ZNF541: variants seen among roughly 807,000 people sequenced by gnomAD.
ZNF541 encodes zinc finger protein 541.
In ZNF541, 23 loss-of-function variants were observed where a neutral mutation model predicts 123.5. The ratio of observed to expected loss-of-function variants is 0.19; its 90% CI spans 0.13 to 0.26. The LOEUF is 0.26. ZNF541 is among the 10% of genes least tolerant of loss of function. ZNF541 has a pLI of 1.00. For missense variants in ZNF541, 1,612 were observed against 1,789.9 expected, an observed-to-expected ratio of 0.90 and a Z score of 1.79; for synonymous variants, 751 against 754.5, an observed-to-expected ratio of 1.00 and a Z score of 0.08.
chr19:47,540,400 G>GT, intron 6 of ZNF541, 65 bp from the exon 7 acceptor site: 1 of 1,397,580 alleles, frequency 7.2e-7, no homozygotes. Flanking sequence ...CTGATTTTTT[G>GT]TTGTTTTTTT....
intron 2 of ZNF541, among the ~76,000 whole-genome samples, chr19:47,561,137 G>A (rs1034765932): frequency 4.6e-5 from 7 of 152,142 alleles, no homozygotes; most frequent in African/African-American, 1.7e-4. Flanking sequence ...CTGCATACCT[G>A]ACATTATACC....
intron 12 of ZNF541, among the ~76,000 whole-genome samples, chr19:47,530,135 G>T (rs1969493011): frequency 6.6e-6 from 1 of 151,520 alleles, no homozygotes; most frequent in African/African-American, 2.4e-5. Context: ...AATACAGGTG[G>T]GTACCACTGT....
chr19:47,525,847 C>T (rs1293416908), intron 14 of ZNF541, among the ~76,000 whole-genome samples: 4 of 141,276 alleles, frequency 2.8e-5, no homozygotes, highest in South Asian at 4.8e-4. Flanking sequence ...ACCTGGAAGG[C>T]GTAGCTTGCA....
At chr19:47,543,421 C>T (rs1046732495) in intron 5 of ZNF541, among the ~76,000 whole-genome samples, 10 of 152,000 alleles carry the variant, frequency 6.6e-5, no homozygotes, top group Non-Finnish European at 1.0e-4. Context: ...GTGTGGGGCA[C>T]GATGCAGGTG....
chr19:47,549,535 G>A (rs768591793), intron 3 of ZNF541, 50 bp from the exon 4 acceptor site: 16 of 1,546,006 alleles, frequency 1.0e-5, no homozygotes, highest in African/African-American at 1.4e-5. Flanking sequence ...GCAACCAAGC[G>A]AAAAGCACGA....
At chr19:47,532,373 C>A (rs1969614268) in intron 10 of ZNF541, 103 bp from the exon 11 acceptor site, 2 of 1,344,102 alleles carry the variant, frequency 1.5e-6, no homozygotes, top group Non-Finnish European at 2.0e-6. Context: ...CCACAGCCTG[C>A]TCCATGGAAA....
intron 3 of ZNF541, among the ~76,000 whole-genome samples, chr19:47,552,855 A>G (rs1970663190): frequency 1.3e-5 from 2 of 151,364 alleles, no homozygotes. Context: ...TTATGCCTGT[A>G]ATCCCAGCAC....
chr19:47,520,749 C>T lies in ZNF541; in HGVS notation c.*475G>A, dbSNP rs1968988318. 6.4e-6 allele frequency: 1 copy of T among 156,884 alleles called. No homozygotes were observed. Among genetic ancestry groups the T allele is most frequent in the African/African-American group, 2.4e-5 (1 of 41,520 alleles). The allele number at this position is 156,884 out of a possible 1,614,324, so 9.7% of individuals were successfully genotyped here. A position where few individuals can be genotyped will look rare whatever the true frequency, so the allele number is the denominator to read the frequency against. ...CATGTACAAAAAACACCGAACAATG[C>T]AGAATTCATCGCAAGACTAGGGACT... On this transcript the variant is annotated 3_prime_UTR_variant, in exon 17 of 17. Coordinates refer to ENST00000391901, the MANE Select transcript of ZNF541 (RefSeq NM_001277075.3).
intron 2 of ZNF541, among the ~76,000 whole-genome samples, chr19:47,560,802 T>C (rs1163748101): frequency 6.6e-6 from 1 of 152,028 alleles, no homozygotes; most frequent in Non-Finnish European, 1.5e-5. Flanking sequence ...TGCCCAAAAC[T>C]GGAAGCAATC....
chr19:47,541,658 T>C (rs996643511), intron 5 of ZNF541, among the ~76,000 whole-genome samples: 37 of 152,124 alleles, frequency 2.4e-4, no homozygotes, highest in Admixed American at 2.4e-3. Flanking sequence ...CAGAAAGGTG[T>C]TCAACGTCAG....
At chr19:47,535,645 A>G (rs560239503) in intron 9 of ZNF541, among the ~76,000 whole-genome samples, 2 of 152,266 alleles carry the variant, frequency 1.3e-5, no homozygotes, top group African/African-American at 4.8e-5. Context: ...AAACCTGTAC[A>G]TAAGGCTGGG....
chr19:47,562,440 A>G (rs1158839103), intron 2 of ZNF541, among the ~76,000 whole-genome samples: 1 of 151,462 alleles, frequency 6.6e-6, no homozygotes, highest in African/African-American at 2.4e-5. Context: ...GCTACTCAGG[A>G]AGCTGAGGCA....
Position 47,544,839 on chromosome 19 carries a change from A to T in ZNF541, c.1690T>A (p.Ser564Thr). The change falls in exon 5 of 17, where the codon TCC (serine) becomes ACC (threonine). Residue 564 changes from serine (S) to threonine (T), a missense_variant. This residue lies in a region of ZNF541 where 1,080 missense variants were observed against 1,013.8 expected (regional missense o/e 1.07). Coordinates refer to ENST00000391901, the MANE Select transcript of ZNF541 (RefSeq NM_001277075.3). ...QMQVFQMITK[S>T]QRIFSHAQVA... Reference sequence around the variant, plus strand: ...TGGGCATGGGAGAAGATCCGCTGGGACTTGGTGATCATCTGGAACACCTGC... The same window carrying T: ...TGGGCATGGGAGAAGATCCGCTGGGTCTTGGTGATCATCTGGAACACCTGC... The T allele has an allele frequency of 6.5e-7, 1 of 1,535,536 alleles. No individual in the cohort carries two copies. Among genetic ancestry groups the T allele is most frequent in the South Asian group, 1.2e-5 (1 of 84,010 alleles).
intron 5 of ZNF541, among the ~76,000 whole-genome samples, chr19:47,541,465 CATAA>C (rs1250036061): frequency 2.0e-5 from 3 of 151,992 alleles, no homozygotes; most frequent in Non-Finnish European, 4.4e-5. Context: ...CAAATGGTAT[CATAA>C]ATAAAGTGAA....
At chr19:47,536,387 G>T (rs149201181) in intron 9 of ZNF541, among the ~76,000 whole-genome samples, 2 of 152,144 alleles carry the variant, frequency 1.3e-5, no homozygotes, top group Non-Finnish European at 2.9e-5. Context: ...ATAGGCACCC[G>T]CCACCATGCT....
At chr19:47,549,214 C>G in intron 4 of ZNF541, 31 bp downstream of exon 4, 1 of 1,551,090 alleles carries the variant, frequency 6.4e-7, no homozygotes. Context: ...AGCCCCTGAA[C>G]AGACGTTTTT....
intron 8 of ZNF541, 46 bp from the exon 9 acceptor site, chr19:47,538,485 G>C: frequency 6.9e-7 from 1 of 1,438,986 alleles, no homozygotes; most frequent in Non-Finnish European, 9.2e-7. Flanking sequence ...GCCACCTACT[G>C]CACCACTCCA....
chr19:47,551,293 G>A (rs1970590126), intron 3 of ZNF541, among the ~76,000 whole-genome samples: 1 of 152,064 alleles, frequency 6.6e-6, no homozygotes, highest in Non-Finnish European at 1.5e-5. Context: ...ACCCACCTCA[G>A]CCTCCCAAAG....
At chr19:47,541,234 A>G (rs1484139504) in intron 5 of ZNF541, among the ~76,000 whole-genome samples, 1 of 152,072 alleles carries the variant, frequency 6.6e-6, no homozygotes, top group African/African-American at 2.4e-5. Flanking sequence ...CCTGGGCAAC[A>G]TGGCAAAACC....
Sources: gnomAD v4.1 joint callset for allele counts (sites outside exome capture counted in the v4.1 genomes callset) on GRCh38, gnomAD v4.1.1 for gene constraint, gnomAD v4.1.1 regional missense constraint, MANE v1.5 for transcripts, NCBI Gene and HGNC (gene_info 2026-07-23, HGNC 2026-07-21) for gene names.